The following SHOX variants were observed in gnomAD, a reference collection of about 807,000 sequenced individuals.
The protein encoded by SHOX is short stature homeobox protein.
SHOX carries 12 observed loss-of-function variants against 29.6 expected under a neutral mutation model. The observed-to-expected ratio is 0.41, with a 90% CI of 0.26 to 0.66. The LOEUF (loss-of-function observed/expected upper bound fraction) is 0.66. SHOX is among the 30% of genes least tolerant of loss of function. SHOX has a pLI of 0.35. For synonymous variants in SHOX, 214 were observed against 200.6 expected, an observed-to-expected ratio of 1.07 and a Z score of -0.57; for missense variants, 499 against 437.7, an observed-to-expected ratio of 1.14 and a Z score of -1.25.
chrX:636,003 G>A (rs2052740334), intron 2 of SHOX, among the ~76,000 whole-genome samples: 1 of 151,948 alleles, frequency 6.6e-6, no homozygotes, highest in African/African-American at 2.4e-5. Flanking sequence ...CGAACTGAAA[G>A]CCCGTTCCCG....
At chrX:633,746 G>A (rs773248410) in intron 1 of SHOX, among the ~76,000 whole-genome samples, 7 of 152,214 alleles carry the variant, frequency 4.6e-5, no homozygotes, top group African/African-American at 1.7e-4. Context: ...GGAACAGAGG[G>A]GCGTTGGAGA....
At position 633,478 on chromosome X, in the gene SHOX, C is replaced by CGGGGT. The variant is rs2052684059; in HGVS notation, c.278-1131_278-1127dup. Among the ~76,000 whole-genome samples the CGGGGT allele has an allele frequency of 4.6e-5, 4 of 86,744 alleles. No homozygotes were observed. The South Asian group carries it at 1.6e-3, about 34-fold the overall frequency. 56.9% of individuals were successfully genotyped at this position (86,744 alleles called of 152,430 possible). A position where few individuals can be genotyped will look rare whatever the true frequency, so the allele number is the denominator to read the frequency against. ...TAAGCGTCCAGCGCTGAATGTAGCT[C>CGGGGT]GGGGTGGGGTGGGAGGGCCCTGGTG... On this transcript the variant is annotated intron_variant, in intron 1 of 4. Coordinates refer to ENST00000686671, the MANE Select transcript of SHOX (RefSeq NM_000451.4).
upstream of SHOX, among the ~76,000 whole-genome samples, chrX:628,597 C>T (rs1603283013): frequency 1.6e-5 from 1 of 63,174 alleles, no homozygotes; most frequent in African/African-American, 6.1e-5. Context: ...GTCTCTCTTT[C>T]TCTCTCTCCA....
intron 1 of SHOX, 99 bp from the exon 2 acceptor site, chrX:634,519 T>C: frequency 3.0e-6 from 4 of 1,331,974 alleles, no homozygotes; most frequent in Non-Finnish European, 4.2e-6. Flanking sequence ...CGCATTGGTT[T>C]TCGAGGGCCC....
chrX:631,011 T>G lies in SHOX; in HGVS notation c.114T>G (p.Val38=), dbSNP rs1197155133. 1 of 1,613,622 alleles carries G rather than the reference T, an allele frequency of 6.2e-7. No individual in the cohort carries two copies. Among genetic ancestry groups the G allele is most frequent in the Admixed American group, 1.7e-5 (1 of 60,004 alleles). ...GKKDSITYRE[V]LESGLARSRE... ...AGGATTCCATTACGTACCGGGAAGT[T>G]TTGGAGAGCGGACTGGCGCGCTCCC... Residue 38 remains valine (V), a synonymous_variant, in exon 1 of 5, where the codon GTT becomes GTG. Transcript: ENST00000686671.
chrX:658,512 C>G (rs1417546236), intron 5 of SHOX, among the ~76,000 whole-genome samples: 18 of 151,274 alleles, frequency 1.2e-4, no homozygotes, highest in Non-Finnish European at 1.3e-4. Flanking sequence ...GCTCTGTCAC[C>G]CAGGCTGGAG....
At chrX:652,541 G>C (rs1471223680), downstream of SHOX, among the ~76,000 whole-genome samples, 1 of 151,902 alleles carries the variant, frequency 6.6e-6, no homozygotes, top group Non-Finnish European at 1.5e-5. Context: ...CTTTCTCTGT[G>C]GGGGGCTCAG....
At chrX:628,046 CTCTG>C (rs1360084966), upstream of SHOX, among the ~76,000 whole-genome samples, 1 of 113,010 alleles carries the variant, frequency 8.8e-6, no homozygotes, top group Non-Finnish European at 2.0e-5. Context: ...GAATCTCCCT[CTCTG>C]TCTGTCTCTG....
At chrX:625,393 TCA>T (rs1359724665) in intron 1 of SHOX, among the ~76,000 whole-genome samples, 1 of 151,842 alleles carries the variant, frequency 6.6e-6, no homozygotes, top group Non-Finnish European at 1.5e-5. Context: ...AGGGAGGCGG[TCA>T]CATACGCTAA....
At chrX:624,701 T>TTTCTTTTCTTTCTTTC (rs1556451347) in intron 1 of SHOX, 1 of 105,372 alleles carries the variant, frequency 9.5e-6, no homozygotes, top group African/African-American at 4.0e-5. Flanking sequence ...TTCCTCTTTC[T>TTTCTTTTCTTTCTTTC]TTTCTTTCTT....
intron 2 of SHOX, among the ~76,000 whole-genome samples, chrX:639,604 G>C (rs1457400718): frequency 6.6e-6 from 1 of 152,250 alleles, no homozygotes; most frequent in African/African-American, 2.4e-5. Flanking sequence ...ACGCTGGAAA[G>C]TTCGACAGTC....
At chrX:641,178 GT>G in intron 4 of SHOX, 91 bp downstream of exon 4, 1 of 1,227,444 alleles carries the variant, frequency 8.1e-7, no homozygotes, top group Non-Finnish European at 1.2e-6. Flanking sequence ...GACACTCCTA[GT>G]CCCTCCCTGC....
At chrX:644,019 T>G (rs1230162842) in intron 4 of SHOX, among the ~76,000 whole-genome samples, 1 of 67,690 alleles carries the variant, frequency 1.5e-5, no homozygotes, top group Non-Finnish European at 3.6e-5. Context: ...GGGGACCTGG[T>G]GTCCCCGGGA....
downstream of SHOX, among the ~76,000 whole-genome samples, chrX:652,731 G>A (rs1341778894): frequency 9.9e-5 from 15 of 152,144 alleles, no homozygotes; most frequent in South Asian, 2.1e-4. Context: ...CAACTTGACC[G>A]TTCCTTTCCT....
At position 647,146 on chromosome X, in the gene SHOX, G is replaced by A. The variant is rs990334201; in HGVS notation, c.*2510G>A. 3.3e-5 allele frequency among the ~76,000 whole-genome samples: 5 copies of A among 152,162 alleles called. No individual in the cohort carries two copies. The highest frequency in any genetic ancestry group is 4.8e-5 in the African/African-American group (2 of 41,436). On this transcript the variant is annotated 3_prime_UTR_variant, in exon 5 of 5. Transcript: ENST00000686671. The stretch of plus-strand genomic sequence containing the variant: ...GGCTGGAGTGCAGTGGCACAATCTC[G>A]GCTCACCGCAACCTCCGCCTCCCGG...
chrX:644,559 A>C lies in SHOX; in HGVS notation c.802A>C (p.Lys268Gln), dbSNP rs988593612. 1.3e-6 allele frequency: 2 copies of C among 1,517,712 alleles called. No individual in the cohort carries two copies. Among genetic ancestry groups the C allele is most frequent in the Non-Finnish European group, 1.8e-6 (2 of 1,139,484 alleles). 94.0% of individuals were successfully genotyped at this position (1,517,712 alleles called of 1,614,324 possible). A position where few individuals can be genotyped will look rare whatever the true frequency, so the allele number is the denominator to read the frequency against. The change falls in exon 5 of 5, where the codon AAA (lysine) becomes CAA (glutamine). Residue 268 changes from lysine (K) to glutamine (Q), a missense_variant. Transcript: ENST00000686671. ...SAAAVVAAAAKSNSKNSSIAD... is the reference protein window; with the variant it reads ...SAAAVVAAAAQSNSKNSSIAD... ...CGCCGCCGTGGTCGCCGCCGCCGCC[A>C]AAAGCAACAGCAAGAATTCCAGCAT...
Position 650,891 on chromosome X carries a change from G to C in SHOX, c.*6255G>C, listed in dbSNP as rs2053050298. Among the ~76,000 whole-genome samples the C allele has an allele frequency of 6.6e-6, 1 of 150,692 alleles. No individual in the cohort carries two copies. The highest frequency in any genetic ancestry group is 1.5e-5 in the Non-Finnish European group (1 of 67,912). On this transcript the variant is annotated 3_prime_UTR_variant, in exon 5 of 5. Transcript: ENST00000686671. ...GATATTCTTCGACACACGTGGGTAA[G>C]TTGATGCCATTTATAAATGTTTTAT... is the stretch of plus-strand genomic sequence containing the variant.
At chrX:637,157 C>T (rs1347928789) in intron 2 of SHOX, among the ~76,000 whole-genome samples, 2 of 151,716 alleles carry the variant, frequency 1.3e-5, no homozygotes, top group South Asian at 2.1e-4. Context: ...CTCCTTAGGG[C>T]GTCTGTGGCC....
At chrX:636,296 T>C (rs2052747549) in intron 2 of SHOX, among the ~76,000 whole-genome samples, 1 of 141,370 alleles carries the variant, frequency 7.1e-6, no homozygotes, top group Non-Finnish European at 1.5e-5. Context: ...TATAAATATA[T>C]TAACATATAT....
Sources: gnomAD v4.1 joint callset for allele counts (sites outside exome capture counted in the v4.1 genomes callset) on GRCh38, gnomAD v4.1.1 for gene constraint, MANE v1.5 for transcripts, NCBI Gene and HGNC (gene_info 2026-07-23, HGNC 2026-07-21) for gene names.